FNDC1: variants seen among roughly 807,000 people sequenced by gnomAD.
FNDC1 encodes the protein fibronectin type III domain containing 1.
In FNDC1, 96 loss-of-function variants were observed where a neutral mutation model predicts 168.0. The ratio of observed to expected loss-of-function variants is 0.57; its 90% CI spans 0.48 to 0.68. The LOEUF is 0.68. FNDC1 is among the 30% of genes least tolerant of loss of function. FNDC1 has a pLI of 0.00. For missense variants in FNDC1, 2,587 were observed against 2,482.1 expected (o/e 1.04, Z -0.90); for synonymous variants, 1,099 against 1,025.9 (o/e 1.07, Z -1.36).
chr6:159,185,181 A>G (rs1489460388), intron 1 of FNDC1, among the ~76,000 whole-genome samples: 1 of 152,092 alleles, frequency 6.6e-6, no homozygotes, highest in African/African-American at 2.4e-5. Context: ...GAATTCAGCC[A>G]GATCTGATGG....
At chr6:159,192,690 G>T (rs1304320030) in intron 1 of FNDC1, among the ~76,000 whole-genome samples, 1 of 152,194 alleles carries the variant, frequency 6.6e-6, no homozygotes, top group Admixed American at 6.5e-5. Context: ...TATTGGTCTG[G>T]AATGGTTAGG....
rs1244685703 is a variant in FNDC1 at position 159,233,066 on chromosome 6, A to T, written c.2554A>T (p.Thr852Ser). 3.0e-5 allele frequency: 48 copies of T among 1,608,642 alleles called. No individual in the cohort carries two copies. The highest frequency in any genetic ancestry group is 4.0e-5 in the Non-Finnish European group (47 of 1,177,854). ...RLQPSSSPQS[T>S]VPSRAHPRVP... The stretch of plus-strand genomic sequence containing the variant: ...GCAGCCCTCCAGCTCCCCACAGTCG[A>T]CTGTGCCCTCCCGAGCCCACCCCAG... The change falls in exon 11 of 23, where the codon ACT becomes TCT. Residue 852 changes from threonine (T) to serine (S), a missense_variant. Coordinates refer to ENST00000297267, the MANE Select transcript of FNDC1 (RefSeq NM_032532.3). This position sits in a 1 kb window ranked among gnomAD's most constrained non-coding sequence, Gnocchi z 4.6.
At chr6:159,258,207 C>T (rs111955857) in intron 18 of FNDC1, among the ~76,000 whole-genome samples, 16 of 152,204 alleles carry the variant, frequency 1.1e-4, no homozygotes, top group African/African-American at 2.4e-4. Context: ...ACTTCCTGAG[C>T]GCAAGGTGGA....
Position 159,266,182 on chromosome 6 carries a change from T to C in FNDC1, c.5383T>C (p.Phe1795Leu). 6.2e-7 allele frequency: 1 copy of C among 1,613,948 alleles called. No homozygotes were observed. The highest frequency in any genetic ancestry group is 2.2e-5 in the East Asian group (1 of 44,872). ...TGTGAAGCGCACGTGGTATCGAAAG[T>C]TCGTGGGAGTTGTTCTTTGTAATTC... ...QYVKRTWYRK[F>L]VGVVLCNSLR... is the part of the protein sequence containing the mutation. Residue 1795 changes from phenylalanine (F) to leucine (L), a missense_variant, in exon 21 of 23, where the codon TTC becomes CTC. Coordinates refer to ENST00000297267, the MANE Select transcript of FNDC1 (RefSeq NM_032532.3).
rs420054 is a variant in FNDC1 at position 159,234,052 on chromosome 6, C to G, written c.3540C>G (p.Asp1180Glu). The G allele has an allele frequency of 0.87, 1,383,301 of 1,583,054 alleles. 606,448 individuals carry two copies. Among genetic ancestry groups the G allele is most frequent in the Middle Eastern group, 0.9 (5,399 of 5,970 alleles). Residue 1180 changes from aspartate (D) to glutamate (E), a missense_variant, in exon 11 of 23, where the codon GAC becomes GAG. Physicochemically the swap from Asp to Glu is conservative, Grantham distance 45 (BLOSUM62 2). Coordinates refer to ENST00000297267, the MANE Select transcript of FNDC1 (RefSeq NM_032532.3). ...KSQQSVSAED[D>E]EEEDAGFFKG... ...AGCAGTCGGTCTCAGCCGAGGACGA[C>G]GAGGAGGAGGACGCGGGATTTTTTA... is the stretch of plus-strand genomic sequence containing the variant.
At chr6:159,228,035 C>CT (rs11333847) in intron 9 of FNDC1, among the ~76,000 whole-genome samples, 1 of 151,602 alleles carries the variant, frequency 6.6e-6, no homozygotes, top group Non-Finnish European at 1.5e-5. Context: ...TGAATAAAGA[C>CT]TTTTTTTTTG....
At chr6:159,257,194 A>G (rs1777392034) in intron 18 of FNDC1, among the ~76,000 whole-genome samples, 1 of 152,186 alleles carries the variant, frequency 6.6e-6, no homozygotes, top group South Asian at 2.1e-4. Context: ...GAGCACAAAG[A>G]CAGTGACTGT....
chr6:159,201,334 T>C (rs1006729960), intron 4 of FNDC1, among the ~76,000 whole-genome samples: 1 of 152,226 alleles, frequency 6.6e-6, no homozygotes, highest in Non-Finnish European at 1.5e-5. Context: ...CCAATGATGA[T>C]TATCTGCTTT....
intron 15 of FNDC1, among the ~76,000 whole-genome samples, chr6:159,248,601 G>C (rs1400236290): frequency 1.3e-5 from 2 of 151,782 alleles, no homozygotes; most frequent in Non-Finnish European, 2.9e-5. Flanking sequence ...ACCACACCTG[G>C]CCAAAAAAAA....
chr6:159,171,503 G>T (rs1044429251), intron 1 of FNDC1, among the ~76,000 whole-genome samples: 1 of 152,146 alleles, frequency 6.6e-6, no homozygotes, highest in African/African-American at 2.4e-5. Flanking sequence ...CTTGTGTCAA[G>T]CTCTCCCCTT....
At chr6:159,199,962 G>C in intron 2 of FNDC1, 34 bp from the exon 3 acceptor site, 1 of 1,552,160 alleles carries the variant, frequency 6.4e-7, no homozygotes, top group East Asian at 2.3e-5. Flanking sequence ...TTGGAGATCT[G>C]AATTGGTGGC....
intron 5 of FNDC1, among the ~76,000 whole-genome samples, chr6:159,216,589 C>T (rs1019191781): frequency 1.3e-5 from 2 of 152,198 alleles, no homozygotes; most frequent in African/African-American, 4.8e-5. Context: ...CTGCTCCCTG[C>T]TTCTCTCATT....
intron 11 of FNDC1, among the ~76,000 whole-genome samples, chr6:159,235,853 C>T (rs1048531951): frequency 1.3e-5 from 2 of 152,232 alleles, no homozygotes; most frequent in African/African-American, 4.8e-5. Context: ...ACATTTTAGA[C>T]ATAATTTTCT....
intron 4 of FNDC1, among the ~76,000 whole-genome samples, chr6:159,203,369 G>A (rs1334955920): frequency 8.5e-5 from 13 of 152,288 alleles, no homozygotes; most frequent in East Asian, 7.7e-4. Context: ...AGTTGAGATC[G>A]TAAGAGACTG....
Position 159,170,350 on chromosome 6 carries a change from A to T in FNDC1, c.109+645A>T, listed in dbSNP as rs957674660. 1.6e-4 allele frequency among the ~76,000 whole-genome samples: 25 copies of T among 152,340 alleles called. 1 individual carries two copies. In the Middle Eastern group the frequency reaches 0.017, roughly 104 times the overall value. On this transcript the variant is annotated intron_variant, in intron 1 of 22. Transcript: ENST00000297267. ...AGAGGGAAATGAGAAAGCTGATTCC[A>T]GAGAAACTCGCCCTTCCCCAATGGC... is the stretch of plus-strand genomic sequence containing the variant.
At chr6:159,269,005 T>C (rs1777653317) in intron 22 of FNDC1, among the ~76,000 whole-genome samples, 1 of 146,808 alleles carries the variant, frequency 6.8e-6, no homozygotes, top group African/African-American at 2.5e-5. Flanking sequence ...CATCCATCCA[T>C]CCATCCATCC....
intron 7 of FNDC1, among the ~76,000 whole-genome samples, chr6:159,224,984 C>G (rs1441812330): frequency 6.6e-6 from 1 of 152,154 alleles, no homozygotes; most frequent in Non-Finnish European, 1.5e-5. Context: ...CTCTGTCCTG[C>G]TCTGTTTGTT....
At chr6:159,256,064 T>C (rs1200977153) in intron 17 of FNDC1, among the ~76,000 whole-genome samples, 1 of 152,204 alleles carries the variant, frequency 6.6e-6, no homozygotes, top group African/African-American at 2.4e-5. Flanking sequence ...ATGGGACCCC[T>C]GGGCGTGTGG....
At position 159,232,505 on chromosome 6, in the gene FNDC1, C is replaced by T; in HGVS notation, c.1993C>T (p.Gln665Ter). ...GSLHPKGAFA[Q>*]PRPALSPSRQ... ...CCTCCACCCCAAGGGCGCCTTCGCCCAGCCCCGGCCAGCCCTGTCCCCCAG... is the reference window on the plus strand; with the variant it reads ...CCTCCACCCCAAGGGCGCCTTCGCCTAGCCCCGGCCAGCCCTGTCCCCCAG... Residue 665 changes from glutamine to a stop codon, truncating the protein, a stop_gained, in exon 11 of 23, where the codon CAG (glutamine) becomes TAG (stop). Transcript: ENST00000297267. LOFTEE classifies it high-confidence loss of function. The surrounding 1 kb of genome is among the most constrained non-coding windows in gnomAD (Gnocchi z 4.9). 1.2e-6 allele frequency: 2 copies of T among 1,612,076 alleles called. No homozygotes were observed. The highest frequency in any genetic ancestry group is 1.3e-5 in the African/African-American group (1 of 75,028).
Sources: allele counts gnomAD v4.1 joint callset (sites outside exome capture counted in the v4.1 genomes callset), GRCh38; gene constraint gnomAD v4.1.1; non-coding constraint Gnocchi (gnomAD v3.1); transcripts MANE v1.5; gene names NCBI Gene and HGNC (gene_info 2026-07-23, HGNC 2026-07-21).